The following HMGCS2 variants were observed in gnomAD, a reference collection of about 807,000 sequenced individuals.
HMGCS2 encodes the protein hydroxymethylglutaryl-CoA synthase, mitochondrial.
In HMGCS2, 50 loss-of-function variants were observed where a neutral mutation model predicts 57.4. The ratio of observed to expected loss-of-function variants is 0.87; its 90% CI spans 0.69 to 1.10. The LOEUF is 1.10. Among genes scored for constraint, HMGCS2 ranks in the 50% least tolerant of loss-of-function variants. The pLI, the probability that HMGCS2 is intolerant of heterozygous loss-of-function variation, is 0.00. For missense variants in HMGCS2, 627 were observed against 636.5 expected (o/e 0.99, Z 0.16); for synonymous variants, 254 against 245.1 (o/e 1.04, Z -0.34).
At chr1:119,757,588 T>C (rs1262073035) in intron 4 of HMGCS2, 150 bp from the exon 5 acceptor site, 8 of 1,277,314 alleles carry the variant, frequency 6.3e-6, no homozygotes, top group Non-Finnish European at 1.1e-6. Context: ...TATTTATTCA[T>C]TTTACATGCA....
chr1:119,766,145 G>T (rs1381720606), intron 1 of HMGCS2, among the ~76,000 whole-genome samples: 1 of 152,096 alleles, frequency 6.6e-6, no homozygotes, highest in African/African-American at 2.4e-5. Flanking sequence ...CTTTTGTATG[G>T]GAGCATACTG....
At chr1:119,754,939 G>T (rs1652786108) in intron 6 of HMGCS2, among the ~76,000 whole-genome samples, 1 of 152,120 alleles carries the variant, frequency 6.6e-6, no homozygotes, top group African/African-American at 2.4e-5. Flanking sequence ...CTGTAAATCT[G>T]CCTATACATA....
chr1:119,759,889 G>T lies in HMGCS2; in HGVS notation c.660C>A (p.Pro220=), dbSNP rs929760980. ...GAGAVAMLIG[P]KAPLALERGL... ...CTCGCTCCAGGGCCAGAGGGGCCTTGGGCCCAATCAGCATAGCCACAGCTC... is the reference window on the plus strand; with the variant it reads ...CTCGCTCCAGGGCCAGAGGGGCCTTTGGCCCAATCAGCATAGCCACAGCTC... Residue 220 remains proline (P), a synonymous_variant, in exon 3 of 10, where the codon CCC becomes CCA. Transcript: ENST00000369406. The T allele has an allele frequency of 2.5e-6, 4 of 1,614,022 alleles. No individual in the cohort carries two copies. Among genetic ancestry groups the T allele is most frequent in the Non-Finnish European group, 2.5e-6 (3 of 1,180,006 alleles).
chr1:119,767,683 G>A lies in HMGCS2; in HGVS notation c.104+1058C>T, dbSNP rs587620311. Among the ~76,000 whole-genome samples, 4 of 152,304 alleles carry A rather than the reference G, an allele frequency of 2.6e-5. No homozygotes were observed. The South Asian group carries it at 8.3e-4, about 32-fold the overall frequency. ...ACTGTGAATATACCAGAAGGGAAATGGGAATGATTCCAAGAGTTTGAACCA... is the reference window on the plus strand; with the variant it reads ...ACTGTGAATATACCAGAAGGGAAATAGGAATGATTCCAAGAGTTTGAACCA... On this transcript the variant is annotated intron_variant, in intron 1 of 9. Coordinates refer to ENST00000369406, the MANE Select transcript of HMGCS2 (RefSeq NM_005518.4).
intron 2 of HMGCS2, 65 bp from the exon 3 acceptor site, chr1:119,760,054 G>A: frequency 2.1e-6 from 3 of 1,430,742 alleles, no homozygotes; most frequent in South Asian, 1.2e-5. Flanking sequence ...AGTGCCTACT[G>A]TGTACCAGGC....
intron 9 of HMGCS2, among the ~76,000 whole-genome samples, chr1:119,750,198 G>A (rs587662175): frequency 3.3e-5 from 5 of 152,228 alleles, no homozygotes; most frequent in South Asian, 4.1e-4. Flanking sequence ...ATCTTCAACC[G>A]CCCCATTCCT....
At chr1:119,756,849 G>C (rs587669260) in intron 5 of HMGCS2, among the ~76,000 whole-genome samples, 1 of 152,318 alleles carries the variant, frequency 6.6e-6, no homozygotes, top group South Asian at 2.1e-4. Context: ...TGTATAGGCT[G>C]TGAGATGCTC....
At chr1:119,753,040 G>T (rs1183576318) in intron 7 of HMGCS2, among the ~76,000 whole-genome samples, 6 of 152,130 alleles carry the variant, frequency 3.9e-5, no homozygotes, top group Admixed American at 1.3e-4. Context: ...AATCTAAGTG[G>T]TTTCCCCATA....
chr1:119,759,421 T>C (rs1269967719), intron 3 of HMGCS2, 139 bp from the exon 4 acceptor site: 1 of 816,628 alleles, frequency 1.2e-6, no homozygotes, highest in Non-Finnish European at 2.0e-6. Context: ...CAACATCCCT[T>C]GCATATTCAA....
rs1652523104 is a variant in HMGCS2, at chr1:119,748,195, C to T, written c.*652G>A. On this transcript the variant is annotated 3_prime_UTR_variant, in exon 10 of 10. Coordinates refer to ENST00000369406, the MANE Select transcript of HMGCS2 (RefSeq NM_005518.4). Reference sequence around the variant, plus strand: ...GAAGTGGGCTGGGGGAAGCTGTGTTCTACCGTTCTTATTTGCCTTGTACCT... The same window carrying T: ...GAAGTGGGCTGGGGGAAGCTGTGTTTTACCGTTCTTATTTGCCTTGTACCT... 6.6e-6 allele frequency: 1 copy of T among 152,208 alleles called. No homozygotes were observed. Among genetic ancestry groups the T allele is most frequent in the Non-Finnish European group, 1.5e-5 (1 of 68,056 alleles). 9.4% of individuals were successfully genotyped at this position (152,208 alleles called of 1,614,324 possible).
intron 1 of HMGCS2, among the ~76,000 whole-genome samples, chr1:119,766,498 C>CATAT (rs1346962981): frequency 6.6e-6 from 1 of 152,212 alleles, no homozygotes; most frequent in Non-Finnish European, 1.5e-5. Flanking sequence ...AAAAGTGGAT[C>CATAT]ATATGATCAC....
intron 3 of HMGCS2, 31 bp from the exon 4 acceptor site, chr1:119,759,313 T>TACA (rs779103149): frequency 6.2e-7 from 1 of 1,606,018 alleles, no homozygotes; most frequent in South Asian, 1.1e-5. Flanking sequence ...TTTCAGAGAC[T>TACA]ACACAATGCA....
intron 6 of HMGCS2, among the ~76,000 whole-genome samples, chr1:119,754,248 G>T (rs1443622745): frequency 1.3e-5 from 2 of 151,968 alleles, no homozygotes; most frequent in Non-Finnish European, 2.9e-5. Flanking sequence ...GTAGAGAAGG[G>T]GTTTTGCCAT....
Position 119,759,906 on chromosome 1 carries a change from C to T in HMGCS2, c.643G>A (p.Ala215Thr). 1.9e-6 allele frequency: 3 copies of T among 1,614,206 alleles called. No homozygotes were observed. The highest frequency in any genetic ancestry group is 2.5e-6 in the Non-Finnish European group (3 of 1,180,026). The change falls in exon 3 of 10, where the codon GCT becomes ACT. Residue 215 changes from alanine to threonine, a missense_variant. Coordinates refer to ENST00000369406, the MANE Select transcript of HMGCS2 (RefSeq NM_005518.4). ...ARPTGGAGAV[A>T]MLIGPKAPLA... ...GGGGCCTTGGGCCCAATCAGCATAG[C>T]CACAGCTCCGGCCCCACCTGTGGGA...
At chr1:119,760,940 G>A (rs974315210) in intron 2 of HMGCS2, among the ~76,000 whole-genome samples, 4 of 152,076 alleles carry the variant, frequency 2.6e-5, no homozygotes, top group Admixed American at 6.5e-5. Context: ...GCTAATAAAT[G>A]GTAGGGTAAG....
intron 3 of HMGCS2, 29 bp from the exon 4 acceptor site, chr1:119,759,311 A>G: frequency 2.5e-6 from 4 of 1,607,688 alleles, no homozygotes; most frequent in Non-Finnish European, 3.4e-6. Flanking sequence ...TGTTTCAGAG[A>G]CTACACAATG....
At chr1:119,761,025 C>T (rs865788051) in intron 2 of HMGCS2, among the ~76,000 whole-genome samples, 1 of 151,656 alleles carries the variant, frequency 6.6e-6, no homozygotes, top group African/African-American at 2.4e-5. Flanking sequence ...ACAATCCCAA[C>T]TCCAACATCA....
intron 1 of HMGCS2, 133 bp downstream of exon 1, chr1:119,768,607 AG>A: frequency 1.4e-6 from 1 of 710,538 alleles, no homozygotes. Flanking sequence ...GACCCTTTAA[AG>A]TTAACTTGCT....
intron 5 of HMGCS2, among the ~76,000 whole-genome samples, chr1:119,756,779 C>T (rs1399342094): frequency 6.6e-6 from 1 of 152,088 alleles, no homozygotes; most frequent in Non-Finnish European, 1.5e-5. Context: ...GAGAATGGGA[C>T]CTGACACTTC....
Sources: gnomAD v4.1 joint callset for allele counts (sites outside exome capture counted in the v4.1 genomes callset) on GRCh38, gnomAD v4.1.1 for gene constraint, MANE v1.5 for transcripts, NCBI Gene and HGNC (gene_info 2026-07-23, HGNC 2026-07-21) for gene names.